RASGRP3: variants seen among roughly 807,000 people sequenced by gnomAD.
RASGRP3 encodes RAS guanyl releasing protein 3, also known as ras guanyl-releasing protein 3.
In RASGRP3, 54 loss-of-function variants were observed where a neutral mutation model predicts 82.7. The ratio of observed to expected loss-of-function variants is 0.65; its 90% CI spans 0.52 to 0.82. RASGRP3 has a LOEUF of 0.82. Among genes scored for constraint, RASGRP3 ranks in the 40% least tolerant of loss-of-function variants. The probability of loss-of-function intolerance (pLI) is 0.00; values close to 1 mark genes in which losing one functional copy is unlikely to be tolerated. For missense variants in RASGRP3, 861 were observed against 828.9 expected (o/e 1.04, Z -0.48); for synonymous variants, 309 against 300.5 (o/e 1.03, Z -0.29).
chr2:33,440,790 T>C (rs1290870410), intron 1 of RASGRP3, among the ~76,000 whole-genome samples: 1 of 152,096 alleles, frequency 6.6e-6, no homozygotes, highest in Non-Finnish European at 1.5e-5. Context: ...TTTTTTTGTA[T>C]GACATGTGTG....
intron 1 of RASGRP3, among the ~76,000 whole-genome samples, chr2:33,477,530 G>T (rs750963620): frequency 1.3e-5 from 2 of 152,224 alleles, no homozygotes; most frequent in Non-Finnish European, 2.9e-5. Context: ...TGCAGCTGAT[G>T]ATTAACTCTG....
intron 2 of RASGRP3, among the ~76,000 whole-genome samples, chr2:33,450,359 C>T (rs1317366106): frequency 6.6e-6 from 1 of 152,048 alleles, no homozygotes; most frequent in Admixed American, 6.5e-5. Flanking sequence ...AAATTTTGTA[C>T]CCTTTGATCA....
intron 2 of RASGRP3, among the ~76,000 whole-genome samples, chr2:33,462,736 C>T (rs574950314): frequency 6.6e-5 from 10 of 152,164 alleles, no homozygotes; most frequent in Non-Finnish European, 1.5e-4. Flanking sequence ...AATTGCGCCC[C>T]CACCTCATGC....
At chr2:33,520,053 G>T (rs368067717) in intron 5 of RASGRP3, 39 bp downstream of exon 5, 2 of 1,492,342 alleles carry the variant, frequency 1.3e-6, no homozygotes, top group African/African-American at 1.4e-5. Flanking sequence ...GTAGTTTCTG[G>T]TTCTGGAATC....
chr2:33,467,810 T>C (rs373160584), intron 2 of RASGRP3, among the ~76,000 whole-genome samples: 4 of 152,166 alleles, frequency 2.6e-5, no homozygotes, highest in East Asian at 3.9e-4. Flanking sequence ...CAAAGGCCCA[T>C]TGGGACCTCC....
At chr2:33,463,683 C>G (rs1018483790) in intron 2 of RASGRP3, among the ~76,000 whole-genome samples, 6 of 147,944 alleles carry the variant, frequency 4.1e-5, no homozygotes, top group African/African-American at 1.5e-4. Context: ...ACTGCAACCT[C>G]TGCCTCCCAG....
rs773260697 is a variant in RASGRP3 at position 33,558,237 on chromosome 2, T to A, written c.1606T>A (p.Cys536Ser). ...CTGTGGAGCCAATTGTCACAAACAG[T>A]GCAAAGACCTCCTGGTTCTGGCCTG... ...KDCGANCHKQ[C>S]KDLLVLACRR... Residue 536 changes from cysteine (C) to serine (S), a missense_variant, in exon 16 of 18, where the codon TGC (cysteine) becomes AGC (serine). Physicochemically the swap from Cys to Ser is moderately radical, Grantham distance 112 (BLOSUM62 -1). Coordinates refer to ENST00000403687, the MANE Select transcript of RASGRP3 (RefSeq NM_001139488.2). 3 of 1,611,950 alleles carry A rather than the reference T, an allele frequency of 1.9e-6. No homozygotes were observed. The highest frequency in any genetic ancestry group is 2.5e-6 in the Non-Finnish European group (3 of 1,179,112).
intron 17 of RASGRP3, chr2:33,559,536 C>T: frequency 4.0e-6 from 2 of 498,428 alleles, no homozygotes; most frequent in Non-Finnish European, 8.0e-6. Flanking sequence ...GATCTCTAAA[C>T]CAGGCTCTGC....
At chr2:33,517,759 C>G (rs1350332127) in intron 4 of RASGRP3, among the ~76,000 whole-genome samples, 2 of 152,110 alleles carry the variant, frequency 1.3e-5, no homozygotes, top group Non-Finnish European at 2.9e-5. Flanking sequence ...TAGACATTGT[C>G]CAAAGAATGT....
chr2:33,488,608 T>C lies in RASGRP3; in HGVS notation c.-261+11901T>C, dbSNP rs947252225. On this transcript the variant is annotated intron_variant, in intron 1 of 17. Transcript: ENST00000403687. ...TCCTCCAGAAGAGGATTAAAGCAGC[T>C]GATGACAAAAAGCAAAAATAAAACA... Among the ~76,000 whole-genome samples the C allele has an allele frequency of 2.6e-5, 4 of 152,154 alleles. 1 individual carries two copies. Among genetic ancestry groups the C allele is most frequent in the Admixed American group, 6.5e-5 (1 of 15,282 alleles).
At chr2:33,514,121 A>G (rs550681435) in intron 2 of RASGRP3, 2 of 152,328 alleles carry the variant, frequency 1.3e-5, no homozygotes, top group East Asian at 3.9e-4. Flanking sequence ...TCAATAATAT[A>G]TGCAAAGCAT....
chr2:33,438,003 C>T (rs975831511), intron 1 of RASGRP3, among the ~76,000 whole-genome samples: 4 of 152,322 alleles, frequency 2.6e-5, no homozygotes, highest in African/African-American at 7.2e-5. Flanking sequence ...TTAATTGCCA[C>T]GCCACATGGC....
intron 1 of RASGRP3, among the ~76,000 whole-genome samples, chr2:33,503,317 A>G (rs1364187493): frequency 6.6e-6 from 1 of 152,216 alleles, no homozygotes; most frequent in Non-Finnish European, 1.5e-5. Flanking sequence ...AAGATACTAC[A>G]TAAATTTTCT....
chr2:33,486,570 A>G (rs1408806353), intron 1 of RASGRP3, among the ~76,000 whole-genome samples: 3 of 152,226 alleles, frequency 2.0e-5, no homozygotes, highest in Non-Finnish European at 4.4e-5. Flanking sequence ...AAATAGACCA[A>G]TATTTTTAAA....
chr2:33,470,057 C>G (rs138256779), intron 2 of RASGRP3, among the ~76,000 whole-genome samples: 3 of 152,132 alleles, frequency 2.0e-5, no homozygotes, highest in Non-Finnish European at 4.4e-5. Flanking sequence ...CCTAATATCT[C>G]CCTTGTGGTT....
chr2:33,487,826 A>G (rs1270758813), intron 1 of RASGRP3, among the ~76,000 whole-genome samples: 1 of 152,198 alleles, frequency 6.6e-6, no homozygotes, highest in Non-Finnish European at 1.5e-5. Context: ...AATGCCAGCC[A>G]TGGTGGCTCA....
chr2:33,544,432 A>G (rs182991839), intron 13 of RASGRP3, among the ~76,000 whole-genome samples: 101 of 152,344 alleles, frequency 6.6e-4, no homozygotes, highest in Middle Eastern at 3.4e-3. Flanking sequence ...TAAAGAAAAA[A>G]TATATTGCTT....
rs553961269 is a variant in RASGRP3 at position 33,523,791 on chromosome 2, A to T, written c.517-88A>T. 222 of 1,278,016 alleles carry T rather than the reference A, an allele frequency of 1.7e-4. No homozygotes were observed. The African/African-American group carries it at 2.5e-3, about 14-fold the overall frequency. 79.2% of individuals were successfully genotyped at this position (1,278,016 alleles called of 1,614,324 possible). On this transcript the variant is annotated intron_variant, in intron 7 of 17. Transcript: ENST00000403687. ...AAAGAAATTGTGTTGTTACGAAACA[A>T]TATCTCACCTTTTCTATGCAATATT...
At chr2:33,475,112 A>G (rs1436411155), upstream of RASGRP3, among the ~76,000 whole-genome samples, 1 of 152,260 alleles carries the variant, frequency 6.6e-6, no homozygotes, top group East Asian at 1.9e-4. Flanking sequence ...TGTCACATCA[A>G]CACATAAACA....
Sources: allele counts gnomAD v4.1 joint callset (sites outside exome capture counted in the v4.1 genomes callset), GRCh38; gene constraint gnomAD v4.1.1; transcripts MANE v1.5; gene names NCBI Gene and HGNC (gene_info 2026-07-23, HGNC 2026-07-21).